DPP10: variants seen among roughly 807,000 people sequenced by gnomAD.
The protein encoded by DPP10 is inactive dipeptidyl peptidase 10.
A neutral mutation model predicts 120.9 loss-of-function variants in DPP10; 33 were observed. The observed-to-expected ratio is 0.27, with a 90% CI of 0.21 to 0.37. The LOEUF is 0.37. Among genes scored for constraint, DPP10 ranks in the 10% least tolerant of loss-of-function variants. The pLI is 1.00. For synonymous variants in DPP10, 337 were observed against 326.1 expected, an observed-to-expected ratio of 1.03 and a Z score of -0.36; for missense variants, 816 against 942.8, an observed-to-expected ratio of 0.87 and a Z score of 1.76.
chr2:115,186,534 T>C (rs1009754669), intron 1 of DPP10, among the ~76,000 whole-genome samples: 4 of 152,104 alleles, frequency 2.6e-5, no homozygotes, highest in Non-Finnish European at 5.9e-5. Context: ...GAAGTCTTCC[T>C]GGAGGAGGTG....
At chr2:115,131,437 C>T (rs553671791) in intron 1 of DPP10, among the ~76,000 whole-genome samples, 10 of 152,104 alleles carry the variant, frequency 6.6e-5, no homozygotes, top group South Asian at 4.2e-4. Flanking sequence ...TGCTTGAGTC[C>T]GGGAGGTCAA....
intron 7 of DPP10, among the ~76,000 whole-genome samples, chr2:115,721,644 T>C (rs1262615269): frequency 2.0e-5 from 3 of 152,108 alleles, no homozygotes; most frequent in African/African-American, 7.2e-5. Flanking sequence ...GGAACTCTCA[T>C]ACACTGTTCA....
chr2:115,739,701 C>G, intron 8 of DPP10, 38 bp from the exon 9 acceptor site: 1 of 1,604,588 alleles, frequency 6.2e-7, no homozygotes, highest in Non-Finnish European at 8.5e-7. Context: ...GAGCCCACAT[C>G]TCTACAGTTG....
At chr2:114,768,921 A>T (rs1162320490) in intron 1 of DPP10, among the ~76,000 whole-genome samples, 1 of 152,204 alleles carries the variant, frequency 6.6e-6, no homozygotes, top group East Asian at 1.9e-4. Flanking sequence ...ATGATAGTGG[A>T]AATCACATTT....
chr2:114,446,340 C>T (rs10208402), intron 1 of DPP10, among the ~76,000 whole-genome samples: 77,687 of 151,948 alleles, frequency 0.51, 20,119 homozygotes, highest in Middle Eastern at 0.67. Context: ...CTAGTATCCT[C>T]GTGTGTCTAA....
chr2:114,571,703 T>C (rs971038727), intron 1 of DPP10, among the ~76,000 whole-genome samples: 1 of 151,892 alleles, frequency 6.6e-6, no homozygotes, highest in Non-Finnish European at 1.5e-5. Context: ...GGTAGTAAAC[T>C]CTGTCACTTA....
chr2:115,220,644 C>T (rs1218368455), intron 1 of DPP10, among the ~76,000 whole-genome samples: 1 of 151,950 alleles, frequency 6.6e-6, no homozygotes, highest in African/African-American at 2.4e-5. Context: ...TAGATATAAC[C>T]AGTCTTTGAC....
At chr2:115,722,416 G>T (rs562456291) in intron 7 of DPP10, among the ~76,000 whole-genome samples, 1 of 151,756 alleles carries the variant, frequency 6.6e-6, no homozygotes, top group African/African-American at 2.4e-5. Flanking sequence ...GTAAAATAGA[G>T]TCATGTATCA....
intron 1 of DPP10, among the ~76,000 whole-genome samples, chr2:114,707,707 C>T (rs543294608): frequency 1.2e-4 from 18 of 152,138 alleles, no homozygotes; most frequent in Admixed American, 7.2e-4. Flanking sequence ...AATTAGGTGC[C>T]CAGCTTAATT....
chr2:115,085,103 T>C (rs968971258), intron 1 of DPP10, among the ~76,000 whole-genome samples: 4 of 152,204 alleles, frequency 2.6e-5, no homozygotes, highest in African/African-American at 7.2e-5. Flanking sequence ...GAAGAATTTG[T>C]AGCAAGGCTT....
chr2:115,499,273 C>A (rs1255964148), intron 3 of DPP10, among the ~76,000 whole-genome samples: 1 of 152,040 alleles, frequency 6.6e-6, no homozygotes, highest in African/African-American at 2.4e-5. Context: ...TTTGTTAAAC[C>A]ATGAACCTGA....
chr2:114,775,817 A>G (rs1681677443), intron 1 of DPP10, among the ~76,000 whole-genome samples: 1 of 152,234 alleles, frequency 6.6e-6, no homozygotes, highest in Non-Finnish European at 1.5e-5. Flanking sequence ...TATCTTGAGT[A>G]TCTCCAATGA....
intron 1 of DPP10, among the ~76,000 whole-genome samples, chr2:115,120,589 A>C (rs1300597945): frequency 6.6e-6 from 1 of 152,226 alleles, no homozygotes; most frequent in Non-Finnish European, 1.5e-5. Context: ...AATGGATTTA[A>C]AGCAGGCAAG....
intron 5 of DPP10, among the ~76,000 whole-genome samples, chr2:115,603,150 G>A (rs112823588): frequency 0.38 from 56,408 of 149,252 alleles, 12,757 homozygotes; most frequent in Middle Eastern, 0.51. Context: ...GTGTGTGTGT[G>A]TGTGTGTGTG....
At chr2:114,848,198 C>T (rs1688687930) in intron 1 of DPP10, among the ~76,000 whole-genome samples, 1 of 152,102 alleles carries the variant, frequency 6.6e-6, no homozygotes. Context: ...TTGTCATCTA[C>T]CTCACTGTTT....
At chr2:114,643,956 A>G (rs1695916314) in intron 1 of DPP10, among the ~76,000 whole-genome samples, 1 of 136,166 alleles carries the variant, frequency 7.3e-6, no homozygotes, top group East Asian at 2.1e-4. Flanking sequence ...TTTTTTTGAG[A>G]CAGAGTCTTG....
intron 1 of DPP10, among the ~76,000 whole-genome samples, chr2:114,593,926 C>T (rs1691670174): frequency 6.6e-6 from 1 of 152,162 alleles, no homozygotes; most frequent in Non-Finnish European, 1.5e-5. Flanking sequence ...ATCTTTCTCA[C>T]TGGAGTTGTG....
chr2:115,343,918 T>C lies in DPP10; in HGVS notation c.271+6T>C, dbSNP rs761364211. ...AGAGGCTCGGTGGATCAATGGTAAG[T>C]GTATACCTTTTTAAACATTGTATTC... On this transcript the variant is annotated splice_donor_region_variant and intron_variant, in intron 3 of 25. Coordinates refer to ENST00000410059, the MANE Select transcript of DPP10 (RefSeq NM_020868.6). 1 of 1,588,816 alleles carries C rather than the reference T, an allele frequency of 6.3e-7. No homozygotes were observed. Among genetic ancestry groups the C allele is most frequent in the African/African-American group, 1.4e-5 (1 of 73,672 alleles).
intron 1 of DPP10, among the ~76,000 whole-genome samples, chr2:114,655,766 A>G (rs1696922674): frequency 6.6e-6 from 1 of 152,152 alleles, no homozygotes; most frequent in African/African-American, 2.4e-5. Context: ...ACCTCCATAT[A>G]ATCTAATTAT....
Sources: gnomAD v4.1 joint callset for allele counts (sites outside exome capture counted in the v4.1 genomes callset) on GRCh38, gnomAD v4.1.1 for gene constraint, MANE v1.5 for transcripts, NCBI Gene and HGNC (gene_info 2026-07-23, HGNC 2026-07-21) for gene names.